The following TYR variants were observed in gnomAD, a reference collection of about 807,000 sequenced individuals.
TYR encodes the protein tyrosinase.
Under a neutral mutation model 51.5 loss-of-function variants are expected in TYR, and 58 were observed. That is an observed-to-expected ratio of 1.13 (90% CI 0.91 to 1.40). The LOEUF (loss-of-function observed/expected upper bound fraction) is 1.40, where lower values mean the gene tolerates loss of function less well. Among genes scored for constraint, TYR ranks in the 40% most tolerant of loss-of-function variants. TYR has a pLI of 0.00. For missense variants in TYR, 732 were observed against 647.4 expected (o/e 1.13, Z -1.42); for synonymous variants, 263 against 235.2 (o/e 1.12, Z -1.08).
chr11:89,225,452 T>C (rs1161766599), intron 2 of TYR, among the ~76,000 whole-genome samples: 1 of 151,870 alleles, frequency 6.6e-6, no homozygotes, highest in Non-Finnish European at 1.5e-5. Flanking sequence ...TAACAAAAAA[T>C]TTGTATCCTT....
intron 2 of TYR, among the ~76,000 whole-genome samples, chr11:89,224,220 C>CA (rs1272489414): frequency 6.6e-6 from 1 of 152,100 alleles, no homozygotes; most frequent in Non-Finnish European, 1.5e-5. Flanking sequence ...CTATTTACCA[C>CA]ATGCAACATG....
At chr11:89,197,342 C>T (rs549715618) in intron 2 of TYR, among the ~76,000 whole-genome samples, 1 of 152,210 alleles carries the variant, frequency 6.6e-6, no homozygotes, top group Admixed American at 6.6e-5. Flanking sequence ...TCACAAATCC[C>T]TACAGAATTA....
At chr11:89,195,914 G>A (rs1462483846) in intron 2 of TYR, among the ~76,000 whole-genome samples, 4 of 151,742 alleles carry the variant, frequency 2.6e-5, no homozygotes, top group Admixed American at 2.6e-4. Context: ...TTTTTTAATA[G>A]CACTGTTGGA....
chr11:89,283,705 G>C (rs1211902153), intron 3 of TYR: 2 of 151,864 alleles, frequency 1.3e-5, no homozygotes, highest in Non-Finnish European at 1.5e-5. Context: ...CATATGACTC[G>C]ATAATGCAAA....
At chr11:89,270,517 A>C (rs1944576110) in intron 3 of TYR, among the ~76,000 whole-genome samples, 1 of 151,854 alleles carries the variant, frequency 6.6e-6, no homozygotes, top group African/African-American at 2.4e-5. Context: ...ACTCGGTGCA[A>C]TGCTTATTAC....
intron 2 of TYR, among the ~76,000 whole-genome samples, chr11:89,209,808 G>A (rs887890072): frequency 2.0e-5 from 3 of 152,102 alleles, no homozygotes; most frequent in African/African-American, 7.2e-5. Flanking sequence ...CTCCATTGGT[G>A]ATACCCAGGC....
At chr11:89,293,844 T>G in intron 4 of TYR, 1 of 283,238 alleles carries the variant, frequency 3.5e-6, no homozygotes, top group South Asian at 4.4e-5. Context: ...CAGCAGCAAG[T>G]CGGCCTGATG....
intron 1 of TYR, among the ~76,000 whole-genome samples, chr11:89,189,518 T>G (rs1320900314): frequency 6.6e-6 from 1 of 152,028 alleles, no homozygotes; most frequent in African/African-American, 2.4e-5. Flanking sequence ...TTCTAGTCCT[T>G]GACATTCTGA....
chr11:89,269,233 C>A (rs993803350), intron 3 of TYR, among the ~76,000 whole-genome samples: 3 of 151,832 alleles, frequency 2.0e-5, no homozygotes, highest in Admixed American at 2.0e-4. Context: ...CTTTGAAGGC[C>A]CATCAGTAAT....
At chr11:89,261,856 C>T (rs1944460229) in intron 3 of TYR, among the ~76,000 whole-genome samples, 1 of 151,708 alleles carries the variant, frequency 6.6e-6, no homozygotes, top group Non-Finnish European at 1.5e-5. Context: ...GTATATTCTC[C>T]AACCACAATG....
At position 89,204,267 on chromosome 11, in the gene TYR, G is replaced by T. The variant is rs182463663; in HGVS notation, c.1036+12849G>T. 2.6e-5 allele frequency among the ~76,000 whole-genome samples: 4 copies of T among 152,338 alleles called. No individual in the cohort carries two copies. In the South Asian group the frequency reaches 6.2e-4, roughly 24 times the overall value. ...GGGTATTCTTACCTCTCCTAGCAAG[G>T]AAGACATCAGTAGAGGCCTAGTGGG... On this transcript the variant is annotated intron_variant, in intron 2 of 4. Transcript: ENST00000263321.
At chr11:89,180,205 A>C (rs1943283299) in intron 1 of TYR, among the ~76,000 whole-genome samples, 1 of 152,150 alleles carries the variant, frequency 6.6e-6, no homozygotes, top group South Asian at 2.1e-4. Flanking sequence ...TCCTACCTTA[A>C]TCTATAATGT....
intron 2 of TYR, among the ~76,000 whole-genome samples, chr11:89,204,136 G>T (rs1313113278): frequency 6.6e-6 from 1 of 152,172 alleles, no homozygotes; most frequent in African/African-American, 2.4e-5. Context: ...CTGGATTGTT[G>T]TCAGAGGAGG....
chr11:89,294,775 T>G (rs527328019), intron 4 of TYR, among the ~76,000 whole-genome samples: 1 of 152,368 alleles, frequency 6.6e-6, no homozygotes, highest in Non-Finnish European at 1.5e-5. Context: ...AGTGAATGGT[T>G]AATGATATAA....
intron 4 of TYR, among the ~76,000 whole-genome samples, chr11:89,291,942 T>A (rs1464367647): frequency 6.6e-6 from 1 of 152,076 alleles, no homozygotes; most frequent in African/African-American, 2.4e-5. Flanking sequence ...CTAGGAATTT[T>A]ACTGTTTTTA....
rs114713281 is a variant in TYR, at chr11:89,231,336, C to G, written c.1184+3366C>G. ...GGCATGTATCGAAAGGGAAATATAT[C>G]TGAACTTCCAAGTTCATTGCAACAT... On this transcript the variant is annotated intron_variant, in intron 3 of 4. Transcript: ENST00000263321. Among the ~76,000 whole-genome samples, 662 of 106,238 alleles carry G rather than the reference C, an allele frequency of 6.2e-3. 124 individuals carry two copies. Among genetic ancestry groups the G allele is most frequent in the African/African-American group, 0.03 (634 of 21,204 alleles). The allele number at this position is 106,238 out of a possible 152,430, so 69.7% of individuals were successfully genotyped here.
intron 3 of TYR, among the ~76,000 whole-genome samples, chr11:89,240,093 G>C (rs1944171777): frequency 1.3e-5 from 2 of 152,058 alleles, no homozygotes; most frequent in African/African-American, 4.8e-5. Context: ...CTATTGAGTA[G>C]GGTGGGGTGG....
intron 3 of TYR, among the ~76,000 whole-genome samples, chr11:89,235,632 G>A (rs1944101067): frequency 6.6e-6 from 1 of 152,064 alleles, no homozygotes; most frequent in Admixed American, 6.6e-5. Context: ...GAACTCGTAG[G>A]AGTAGGAAAT....
chr11:89,268,700 A>G (rs1482423942), intron 3 of TYR, among the ~76,000 whole-genome samples: 1 of 151,884 alleles, frequency 6.6e-6, no homozygotes, highest in Non-Finnish European at 1.5e-5. Flanking sequence ...AACCACTTAG[A>G]TTCAATTTAA....
Sources: allele counts gnomAD v4.1 joint callset (sites outside exome capture counted in the v4.1 genomes callset), GRCh38; gene constraint gnomAD v4.1.1; transcripts MANE v1.5; gene names NCBI Gene and HGNC (gene_info 2026-07-23, HGNC 2026-07-21).